The following EHD2 variants were observed in gnomAD, a reference collection of about 807,000 sequenced individuals.
EHD2 encodes the protein EH domain containing 2, also known as EH domain-containing protein 2.
EHD2 carries 27 observed loss-of-function variants against 41.0 expected under a neutral mutation model. That is an observed-to-expected ratio of 0.66 (90% CI 0.49 to 0.91). The LOEUF is 0.91. Ranked by LOEUF, EHD2 falls within the 40% of genes least tolerant of loss-of-function variation. EHD2 has a pLI of 0.00. For missense variants in EHD2, 673 were observed against 773.9 expected (o/e 0.87, Z 1.55); for synonymous variants, 342 against 341.0 (o/e 1.00, Z -0.03).
At chr19:47,720,746 TG>T (rs1187431524) in intron 3 of EHD2, among the ~76,000 whole-genome samples, 2 of 152,062 alleles carry the variant, frequency 1.3e-5, no homozygotes, top group African/African-American at 4.8e-5. Flanking sequence ...TGTGGCTGCA[TG>T]GGGCGGTCAG....
At chr19:47,736,244 C>A in intron 4 of EHD2, 125 bp from the exon 5 acceptor site, 2 of 807,794 alleles carry the variant, frequency 2.5e-6, no homozygotes, top group Non-Finnish European at 1.8e-6. Context: ...AAAAGAAATA[C>A]AAATTCTCAT....
chr19:47,714,308 A>G (rs1176456179), intron 1 of EHD2, among the ~76,000 whole-genome samples: 1 of 152,034 alleles, frequency 6.6e-6, no homozygotes, highest in African/African-American at 2.4e-5. Flanking sequence ...CCATTTCTCT[A>G]AGGAGTCCCA....
intron 2 of EHD2, 26 bp from the exon 3 acceptor site, chr19:47,718,483 A>T: frequency 6.5e-7 from 1 of 1,549,282 alleles, no homozygotes; most frequent in Non-Finnish European, 8.8e-7. Context: ...TTCCCTGTTG[A>T]CCCCTGACCC....
chr19:47,739,980 G>A (rs1323371174), intron 5 of EHD2, among the ~76,000 whole-genome samples: 1 of 152,114 alleles, frequency 6.6e-6, no homozygotes, highest in Non-Finnish European at 1.5e-5. Flanking sequence ...AAAGCCTCTG[G>A]GACCTTGTTG....
intron 4 of EHD2, among the ~76,000 whole-genome samples, chr19:47,728,357 C>T (rs1156261707): frequency 6.6e-6 from 1 of 151,916 alleles, no homozygotes; most frequent in Non-Finnish European, 1.5e-5. Flanking sequence ...GGCTCACTCC[C>T]TCCTCACCCC....
chr19:47,719,692 G>A lies in EHD2; in HGVS notation c.502+1086G>A, dbSNP rs1973674393. 2.0e-5 allele frequency among the ~76,000 whole-genome samples: 3 copies of A among 152,154 alleles called. No homozygotes were observed. The highest frequency in any genetic ancestry group is 7.2e-5 in the African/African-American group (3 of 41,424). The stretch of plus-strand genomic sequence containing the variant: ...CTGGCTGCCGTCCAGAGGCCCCACG[G>A]GAGAAAGGCAGGAGGCAGCTGCAGA... On this transcript the variant is annotated intron_variant, in intron 3 of 5. Coordinates refer to ENST00000263277, the MANE Select transcript of EHD2 (RefSeq NM_014601.4). The surrounding 1 kb of genome is among the most constrained non-coding windows in gnomAD (Gnocchi z 4.1).
chr19:47,734,868 C>T (rs1350420547), intron 4 of EHD2, among the ~76,000 whole-genome samples: 1 of 151,924 alleles, frequency 6.6e-6, no homozygotes, highest in African/African-American at 2.4e-5. Context: ...GTCTGGCCAA[C>T]ATGGTGAAAG....
At position 47,741,695 on chromosome 19, in the gene EHD2, A is replaced by C. The variant is rs777482144; in HGVS notation, c.*263A>C. 1.1e-5 allele frequency: 7 copies of C among 631,700 alleles called. No homozygotes were observed. The highest frequency in any genetic ancestry group is 2.0e-5 in the Non-Finnish European group (7 of 351,830). The allele number at this position is 631,700 out of a possible 1,614,324, so 39.1% of individuals were successfully genotyped here. On this transcript the variant is annotated 3_prime_UTR_variant, in exon 6 of 6. Transcript: ENST00000263277. The surrounding 1 kb of genome is among the most constrained non-coding windows in gnomAD (Gnocchi z 4.5). ...CACACACACACTGGCACACGCAGGC[A>C]TCCATCCATCCGTCATTCATTCAAA...
In EHD2 at chr19:47,716,695, T is replaced by C; in HGVS notation, c.83T>C (p.Leu28Pro). Residue 28 changes from leucine (L) to proline (P), a missense_variant, in exon 2 of 6, where the codon CTG becomes CCG. Coordinates refer to ENST00000263277, the MANE Select transcript of EHD2 (RefSeq NM_014601.4). Reference sequence around the variant, plus strand: ...ACGGTGACCTCGGCCCTCAAGGAGCTGTACCGCACGAAGCTGCTGCCGCTG... The same window carrying C: ...ACGGTGACCTCGGCCCTCAAGGAGCCGTACCGCACGAAGCTGCTGCCGCTG... ...IRTVTSALKE[L>P]YRTKLLPLEE... 1.2e-6 allele frequency: 2 copies of C among 1,611,916 alleles called. No homozygotes were observed. Among genetic ancestry groups the C allele is most frequent in the Non-Finnish European group, 1.7e-6 (2 of 1,179,148 alleles).
At chr19:47,730,474 C>T (rs1973796948) in intron 4 of EHD2, among the ~76,000 whole-genome samples, 1 of 152,066 alleles carries the variant, frequency 6.6e-6, no homozygotes, top group Admixed American at 6.6e-5. Context: ...GCTCACTGCC[C>T]CTCCTTTGCC....
Position 47,736,349 on chromosome 19 carries a change from G to A in EHD2, c.916-20G>A. 6.2e-7 allele frequency: 1 copy of A among 1,604,876 alleles called. No homozygotes were observed. The highest frequency in any genetic ancestry group is 8.5e-7 in the Non-Finnish European group (1 of 1,176,414). ...CCTGGTGGACCCTGATGCAGGCTGA[G>A]GTGAGAACCCTTCCCACAGGTTCAC... On this transcript the variant is annotated intron_variant, in intron 4 of 5. Coordinates refer to ENST00000263277, the MANE Select transcript of EHD2 (RefSeq NM_014601.4).
Position 47,741,443 on chromosome 19 carries a change from C to T in EHD2, c.*11C>T, listed in dbSNP as rs779242294. 1 of 1,558,672 alleles carries T rather than the reference C, an allele frequency of 6.4e-7. No homozygotes were observed. The highest frequency in any genetic ancestry group is 2.4e-5 in the East Asian group (1 of 42,370). On this transcript the variant is annotated 3_prime_UTR_variant, in exon 6 of 6. Coordinates refer to ENST00000263277, the MANE Select transcript of EHD2 (RefSeq NM_014601.4). This position sits in a 1 kb window ranked among gnomAD's most constrained non-coding sequence, Gnocchi z 4.5. ...GGCTCCGCCGAGTGAGCCGGCCCCC[C>T]TCCCATGGCCCTGCTGTGGCTCCCC...
chr19:47,721,976 C>A (rs886499394), intron 3 of EHD2, among the ~76,000 whole-genome samples: 6 of 150,048 alleles, frequency 4.0e-5, no homozygotes, highest in Non-Finnish European at 8.9e-5. Context: ...TAGAGTGAGA[C>A]TTGGTCTCAA....
chr19:47,718,887 G>A (rs1393348004), intron 3 of EHD2, among the ~76,000 whole-genome samples: 6 of 139,122 alleles, frequency 4.3e-5, no homozygotes, highest in African/African-American at 1.5e-4. Context: ...TGGGTCTGAG[G>A]GAGGAGGAGC....
intron 4 of EHD2, 85 bp downstream of exon 4, chr19:47,726,309 T>C (rs1306974799): frequency 4.2e-6 from 6 of 1,417,178 alleles, no homozygotes; most frequent in African/African-American, 2.9e-5. Flanking sequence ...CCCTGACTTA[T>C]CAGGGCCCAG....
chr19:47,725,737 T>C, intron 3 of EHD2, 75 bp from the exon 4 acceptor site: 1 of 1,505,918 alleles, frequency 6.6e-7, no homozygotes, highest in Non-Finnish European at 8.9e-7. Context: ...GAGAATGGGA[T>C]ACTACTGAGA....
intron 4 of EHD2, among the ~76,000 whole-genome samples, chr19:47,733,669 A>T (rs909730734): frequency 9.5e-5 from 14 of 147,986 alleles, no homozygotes; most frequent in African/African-American, 2.5e-4. Flanking sequence ...TCTGTCTCAA[A>T]AAATAAATAA....
chr19:47,719,617 G>A lies in EHD2; in HGVS notation c.502+1011G>A, dbSNP rs139210441. Among the ~76,000 whole-genome samples, 113 of 152,238 alleles carry A rather than the reference G, an allele frequency of 7.4e-4. No homozygotes were observed. Among genetic ancestry groups the A allele is most frequent in the African/African-American group, 2.4e-3 (98 of 41,558 alleles). On this transcript the variant is annotated intron_variant, in intron 3 of 5. Coordinates refer to ENST00000263277, the MANE Select transcript of EHD2 (RefSeq NM_014601.4). This position sits in a 1 kb window ranked among gnomAD's most constrained non-coding sequence, Gnocchi z 4.1. The stretch of plus-strand genomic sequence containing the variant: ...GGCAGAGAGGATGGGAGGCCCTGGC[G>A]AGAAGGCTGGGCCTGGGGTGGGGTG...
In EHD2 at chr19:47,742,999, T is replaced by C. The variant is rs532705434; in HGVS notation, c.*1567T>C. 1 of 152,658 alleles carries C rather than the reference T, an allele frequency of 6.6e-6. No individual in the cohort carries two copies. The highest frequency in any genetic ancestry group is 6.5e-5 in the Admixed American group (1 of 15,286). The allele number at this position is 152,658 out of a possible 1,614,324, so 9.5% of individuals were successfully genotyped here. Reference sequence around the variant, plus strand: ...ATGGAAAAGATGGGGAAGAGCAAAATACATGGAGACGACGCACCCTCCAGG... The same window carrying C: ...ATGGAAAAGATGGGGAAGAGCAAAACACATGGAGACGACGCACCCTCCAGG... On this transcript the variant is annotated 3_prime_UTR_variant, in exon 6 of 6. Coordinates refer to ENST00000263277, the MANE Select transcript of EHD2 (RefSeq NM_014601.4).
Sources: gnomAD v4.1 joint callset for allele counts (sites outside exome capture counted in the v4.1 genomes callset) on GRCh38, gnomAD v4.1.1 for gene constraint, Gnocchi (gnomAD v3.1) non-coding constraint, MANE v1.5 for transcripts, NCBI Gene and HGNC (gene_info 2026-07-23, HGNC 2026-07-21) for gene names.